SMOC2: variants seen among roughly 807,000 people sequenced by gnomAD.
SMOC2 encodes the protein SPARC-related modular calcium-binding protein 2.
Under a neutral mutation model 61.4 loss-of-function variants are expected in SMOC2, and 39 were observed. The ratio of observed to expected loss-of-function variants is 0.64; its 90% CI spans 0.49 to 0.83. The LOEUF (loss-of-function observed/expected upper bound fraction) is 0.83. Ranked by LOEUF, SMOC2 falls within the 40% of genes least tolerant of loss-of-function variation. The pLI is 0.00. For missense variants in SMOC2, 556 were observed against 592.9 expected (o/e 0.94, Z 0.65); for synonymous variants, 247 against 239.9 (o/e 1.03, Z -0.27).
chr6:168,615,040 C>T (rs1583162266), intron 9 of SMOC2, among the ~76,000 whole-genome samples: 3 of 85,192 alleles, frequency 3.5e-5, no homozygotes, highest in Non-Finnish European at 5.0e-5. Context: ...GGCCTCTTCA[C>T]ATCTACAGCC....
chr6:168,509,529 TGATGAATGTGGAGGCAAATTAGTC>T (rs67818607), intron 1 of SMOC2, among the ~76,000 whole-genome samples: 55,389 of 151,666 alleles, frequency 0.37, 10,527 homozygotes, highest in South Asian at 0.47. Context: ...TGGTACAATG[TGATGAATGTGGAGGCAAATTAGTC>T]GATGAATGTG....
intron 9 of SMOC2, among the ~76,000 whole-genome samples, chr6:168,636,914 TCCTCCCTCCTCCCC>T (rs1201069559): frequency 2.3e-5 from 1 of 42,710 alleles, no homozygotes; most frequent in South Asian, 9.5e-4. Context: ...CCCGCATCCC[TCCTCCCTCCTCCCC>T]CCTCCCCACC....
chr6:168,534,751 G>A (rs555776116), intron 4 of SMOC2, among the ~76,000 whole-genome samples: 7 of 151,998 alleles, frequency 4.6e-5, no homozygotes, highest in East Asian at 1.9e-4. Context: ...TTAATTTGGC[G>A]GCTAATTTGT....
chr6:168,582,709 C>G (rs370707671), intron 7 of SMOC2, among the ~76,000 whole-genome samples: 3 of 152,216 alleles, frequency 2.0e-5, no homozygotes, highest in Admixed American at 6.5e-5. Context: ...AGGCTCCCCC[C>G]ACCTGGGAGG....
intron 7 of SMOC2, among the ~76,000 whole-genome samples, chr6:168,591,838 AT>A (rs74653240): frequency 0.21 from 32,175 of 151,746 alleles, 3,784 homozygotes; most frequent in South Asian, 0.28. Context: ...AAAGTGACAT[AT>A]TTTCATCTAA....
intron 1 of SMOC2, among the ~76,000 whole-genome samples, chr6:168,464,861 G>T (rs1452025417): frequency 1.3e-5 from 2 of 152,242 alleles, no homozygotes; most frequent in African/African-American, 4.8e-5. Flanking sequence ...CAGACGGCAG[G>T]TGCAGAAGTG....
At chr6:168,578,463 A>G (rs765939918) in intron 7 of SMOC2, among the ~76,000 whole-genome samples, 23 of 152,208 alleles carry the variant, frequency 1.5e-4, no homozygotes, top group Non-Finnish European at 3.2e-4. Context: ...TTCTGCTGTC[A>G]TTGAATTTGA....
Position 168,526,335 on chromosome 6 carries a change from C to T in SMOC2, c.257-11C>T, listed in dbSNP as rs1379162655. 35 of 1,611,372 alleles carry T rather than the reference C, an allele frequency of 2.2e-5. No individual in the cohort carries two copies. The highest frequency in any genetic ancestry group is 2.9e-5 in the Non-Finnish European group (34 of 1,177,426). On this transcript the variant is annotated splice_polypyrimidine_tract_variant and intron_variant, in intron 2 of 12. Transcript: ENST00000356284. Reference sequence around the variant, plus strand: ...TGCATAACCACACCTCTGCCCTGTTCTTCCCTACAGACGTGTCCAGGTGTG... The same window carrying T: ...TGCATAACCACACCTCTGCCCTGTTTTTCCCTACAGACGTGTCCAGGTGTG...
chr6:168,566,540 T>C (rs1360064962), intron 7 of SMOC2, among the ~76,000 whole-genome samples: 1 of 143,942 alleles, frequency 6.9e-6, no homozygotes, highest in Non-Finnish European at 1.5e-5. Context: ...TGGAGTGCAA[T>C]GGTGTGATCT....
chr6:168,619,642 C>T (rs1786195390), intron 9 of SMOC2, among the ~76,000 whole-genome samples: 1 of 152,192 alleles, frequency 6.6e-6, no homozygotes, highest in Non-Finnish European at 1.5e-5. Flanking sequence ...CTACCATAAT[C>T]AAATTAAAAC....
intron 2 of SMOC2, among the ~76,000 whole-genome samples, chr6:168,521,471 A>G (rs1783327858): frequency 1.3e-5 from 2 of 152,156 alleles, no homozygotes; most frequent in Admixed American, 1.3e-4. Flanking sequence ...CTTGATATGT[A>G]AACAAGCTTG....
At chr6:168,454,707 A>C (rs891872967) in intron 1 of SMOC2, among the ~76,000 whole-genome samples, 1 of 152,154 alleles carries the variant, frequency 6.6e-6, no homozygotes, top group African/African-American at 2.4e-5. Flanking sequence ...ACCCACTAAA[A>C]TATGTGAAAA....
chr6:168,558,941 G>C (rs1267426768), intron 7 of SMOC2, among the ~76,000 whole-genome samples: 1 of 152,078 alleles, frequency 6.6e-6, no homozygotes, highest in African/African-American at 2.4e-5. Flanking sequence ...GTGTGTGCGT[G>C]TGCATGCGTG....
intron 2 of SMOC2, among the ~76,000 whole-genome samples, chr6:168,512,332 G>A (rs925107536): frequency 4.6e-5 from 7 of 152,286 alleles, no homozygotes; most frequent in African/African-American, 1.7e-4. Flanking sequence ...CCCAGCACCC[G>A]CCTTGTGCCT....
At chr6:168,476,198 G>T (rs978651679) in intron 1 of SMOC2, among the ~76,000 whole-genome samples, 1 of 152,054 alleles carries the variant, frequency 6.6e-6, no homozygotes. Context: ...TTTAGATTTG[G>T]GAGTTAACAG....
In SMOC2 at chr6:168,569,237, T is replaced by C. The variant is rs552447837; in HGVS notation, c.637+20034T>C. 7.2e-5 allele frequency among the ~76,000 whole-genome samples: 11 copies of C among 152,330 alleles called. No individual in the cohort carries two copies. The East Asian group carries it at 9.7e-4, about 13-fold the overall frequency. ...TTTTAGGAATTCTAATAGGTTTGCA[T>C]TGGTGTCTCATTATTGTTTTAATTG... On this transcript the variant is annotated intron_variant, in intron 7 of 12. Transcript: ENST00000356284.
At position 168,650,668 on chromosome 6, in the gene SMOC2, A is replaced by G; in HGVS notation, c.908-13A>G. On this transcript the variant is annotated splice_polypyrimidine_tract_variant and intron_variant, in intron 9 of 12. Transcript: ENST00000356284. ...TTATGAGTTAATTATGAAAACATAC[A>G]CGTGTTTTTCAGGTTGTCCGGGTGC... 6.2e-7 allele frequency: 1 copy of G among 1,609,384 alleles called. No homozygotes were observed.
chr6:168,559,183 T>C (rs1784332363), intron 7 of SMOC2, among the ~76,000 whole-genome samples: 1 of 152,138 alleles, frequency 6.6e-6, no homozygotes, highest in African/African-American at 2.4e-5. Context: ...GGGCCAGGTG[T>C]GGTGTCTCGT....
intron 1 of SMOC2, among the ~76,000 whole-genome samples, chr6:168,457,657 G>A (rs2763277): frequency 0.11 from 16,470 of 151,924 alleles, 1,200 homozygotes; most frequent in Non-Finnish European, 0.15. Context: ...CTGCAGCCCC[G>A]GCCCAGACCC....
Sources: allele counts gnomAD v4.1 joint callset (sites outside exome capture counted in the v4.1 genomes callset), GRCh38; gene constraint gnomAD v4.1.1; transcripts MANE v1.5; gene names NCBI Gene and HGNC (gene_info 2026-07-23, HGNC 2026-07-21).